The following LRRC9 variants were observed in gnomAD, a reference collection of about 807,000 sequenced individuals.
LRRC9 encodes the protein leucine rich repeat containing 9, also known as leucine-rich repeat-containing protein 9.
Under a neutral mutation model 63.2 loss-of-function variants are expected in LRRC9, and 122 were observed. That is an observed-to-expected ratio of 1.93 (90% CI 1.67 to 2.24). The LOEUF (loss-of-function observed/expected upper bound fraction) is 2.24. Ranked by LOEUF, LRRC9 falls within the 30% of genes most tolerant of loss-of-function variation. The probability of loss-of-function intolerance (pLI) is 0.00; values close to 1 mark genes in which losing one functional copy is unlikely to be tolerated. For missense variants in LRRC9, 1,071 were observed against 627.7 expected, an observed-to-expected ratio of 1.71 and a Z score of -7.55; for synonymous variants, 366 against 213.1, an observed-to-expected ratio of 1.72 and a Z score of -6.25.
chr14:59,923,679 C>T lies in LRRC9; in HGVS notation c.-34+3796C>T, dbSNP rs1401973373. Among the ~76,000 whole-genome samples the T allele has an allele frequency of 6.6e-6, 1 of 152,228 alleles. No individual in the cohort carries two copies. Among genetic ancestry groups the T allele is most frequent in the African/African-American group, 2.4e-5 (1 of 41,442 alleles). On this transcript the variant is annotated intron_variant, in intron 1 of 31. Coordinates refer to ENST00000445360, the Ensembl canonical transcript of LRRC9. The surrounding 1 kb of genome is among the most constrained non-coding windows in gnomAD (Gnocchi z 4.2). ...AGGCGAGGTGGCTCACGCCTGTAGG[C>T]TCACGCCTCCCAGCACTCTGGGAAG... is the stretch of plus-strand genomic sequence containing the variant.
chr14:60,006,752 AT>A (rs1232551320), intron 22 of LRRC9, 135 bp downstream of exon 22: 1 of 535,984 alleles, frequency 1.9e-6, no homozygotes, highest in Non-Finnish European at 3.3e-6. Context: ...GTTTATTAAA[AT>A]GTATTTGCAT....
intron 17 of LRRC9, among the ~76,000 whole-genome samples, chr14:59,985,894 CTT>C (rs1236003190): frequency 6.6e-6 from 1 of 152,120 alleles, no homozygotes; most frequent in Non-Finnish European, 1.5e-5. Context: ...ATTAAAATAA[CTT>C]CTCAAATTTG....
rs1161787699 is a variant in LRRC9, at chr14:59,942,807, C to A, written c.727-1782C>A. Among the ~76,000 whole-genome samples, 2 of 151,958 alleles carry A rather than the reference C, an allele frequency of 1.3e-5. No individual in the cohort carries two copies. The highest frequency in any genetic ancestry group is 2.9e-5 in the Non-Finnish European group (2 of 67,986). ...TTTTTTTCTGTCTTTTTGATAATAG[C>A]CATTCTAACTAGGTGAGATTATATT... is the stretch of plus-strand genomic sequence containing the variant. On this transcript the variant is annotated intron_variant, in intron 7 of 31. Transcript: ENST00000445360. This position sits in a 1 kb window ranked among gnomAD's most constrained non-coding sequence, Gnocchi z 5.3.
At chr14:59,965,461 T>G (rs1265089629) in intron 10 of LRRC9, among the ~76,000 whole-genome samples, 1 of 152,212 alleles carries the variant, frequency 6.6e-6, no homozygotes, top group Non-Finnish European at 1.5e-5. Context: ...GTATTCATTG[T>G]CAGGAAGTTA....
Position 59,932,843 on chromosome 14 carries a change from C to T in LRRC9, c.543+804C>T, listed in dbSNP as rs779964869. Among the ~76,000 whole-genome samples, 19 of 152,224 alleles carry T rather than the reference C, an allele frequency of 1.2e-4. No individual in the cohort carries two copies. Among genetic ancestry groups the T allele is most frequent in the Non-Finnish European group, 1.9e-4 (13 of 68,004 alleles). The stretch of plus-strand genomic sequence containing the variant: ...TTCTCCACACAGAAGCCTGATGGAA[C>T]CTTTAAAAATCTGTCAGATAAAAAT... On this transcript the variant is annotated intron_variant, in intron 6 of 31. Coordinates refer to ENST00000445360, the Ensembl canonical transcript of LRRC9. This position sits in a 1 kb window ranked among gnomAD's most constrained non-coding sequence, Gnocchi z 4.7.
chr14:59,981,821 T>C (rs1257858181), intron 15 of LRRC9, 27 bp from the exon 16 acceptor site: 3 of 669,312 alleles, frequency 4.5e-6, no homozygotes, highest in Non-Finnish European at 8.0e-6. Flanking sequence ...GCAACTGATT[T>C]TGCAATGTTT....
intron 31 of LRRC9, among the ~76,000 whole-genome samples, chr14:60,061,107 T>C (rs1224291120): frequency 2.0e-5 from 3 of 152,226 alleles, no homozygotes; most frequent in Non-Finnish European, 4.4e-5. Context: ...GTGAACACTG[T>C]TGAAATGACA....
chr14:59,930,533 G>A lies in LRRC9; in HGVS notation c.268-385G>A, dbSNP rs1889608545. ...AAACATTTTAGTCTTAATTTAAAGA[G>A]TCCCACAAAATTGTGTGTGCATTAG... On this transcript the variant is annotated intron_variant, in intron 3 of 31. Transcript: ENST00000445360. The surrounding 1 kb of genome is among the most constrained non-coding windows in gnomAD (Gnocchi z 4.9). 6.6e-6 allele frequency among the ~76,000 whole-genome samples: 1 copy of A among 151,676 alleles called. No individual in the cohort carries two copies. The highest frequency in any genetic ancestry group is 2.4e-5 in the African/African-American group (1 of 41,284).
At chr14:59,992,899 A>G (rs902904659) in intron 17 of LRRC9, among the ~76,000 whole-genome samples, 4 of 152,236 alleles carry the variant, frequency 2.6e-5, no homozygotes, top group South Asian at 2.1e-4. Flanking sequence ...TATTATCCAG[A>G]AGAACTTCCC....
intron 29 of LRRC9, among the ~76,000 whole-genome samples, chr14:60,039,729 A>AT (rs1286738389): frequency 6.6e-6 from 1 of 151,594 alleles, no homozygotes; most frequent in African/African-American, 2.4e-5. Flanking sequence ...GGATTCATTG[A>AT]TTTTTTTGAA....
chr14:59,974,127 T>C (rs755238293), intron 12 of LRRC9, among the ~76,000 whole-genome samples: 21 of 152,098 alleles, frequency 1.4e-4, no homozygotes, highest in Non-Finnish European at 2.9e-4. Context: ...AGGATTTCCA[T>C]GGGTTAACAC....
At chr14:60,019,514 CA>C (rs1268628349) in intron 26 of LRRC9, among the ~76,000 whole-genome samples, 1 of 151,832 alleles carries the variant, frequency 6.6e-6, no homozygotes, top group African/African-American at 2.4e-5. Context: ...AACCAAAAAA[CA>C]AACAAACAAA....
At chr14:60,008,737 G>A (rs1315516050) in intron 23 of LRRC9, among the ~76,000 whole-genome samples, 1 of 152,174 alleles carries the variant, frequency 6.6e-6, no homozygotes, top group Non-Finnish European at 1.5e-5. Context: ...TAGGGCTCCT[G>A]TTTTCCACAT....
chr14:59,927,436 G>A lies in LRRC9; in HGVS notation c.-33-475G>A, dbSNP rs536931037. 1.2e-4 allele frequency among the ~76,000 whole-genome samples: 18 copies of A among 152,146 alleles called. No homozygotes were observed. The highest frequency in any genetic ancestry group is 4.3e-4 in the African/African-American group (18 of 41,550). Reference sequence around the variant, plus strand: ...AAACACTTATTACTATGCCAAAAATGTTGCTAAGCCCTAAGGATTCTTCTC... The same window carrying A: ...AAACACTTATTACTATGCCAAAAATATTGCTAAGCCCTAAGGATTCTTCTC... On this transcript the variant is annotated intron_variant, in intron 1 of 31. Coordinates refer to ENST00000445360, the Ensembl canonical transcript of LRRC9. This position sits in a 1 kb window ranked among gnomAD's most constrained non-coding sequence, Gnocchi z 4.4.
In LRRC9 at chr14:59,966,846, C is replaced by T. The variant is rs979486486; in HGVS notation, c.1388+81C>T. On this transcript the variant is annotated intron_variant, in intron 11 of 31. Transcript: ENST00000445360. The surrounding 1 kb of genome is among the most constrained non-coding windows in gnomAD (Gnocchi z 4.0). Reference sequence around the variant, plus strand: ...AAATTTCTATTTTAAAAGTTTACAGCATTAAAAATATACATATACCTTGTT... The same window carrying T: ...AAATTTCTATTTTAAAAGTTTACAGTATTAAAAATATACATATACCTTGTT... 5.3e-6 allele frequency: 3 copies of T among 568,860 alleles called. No individual in the cohort carries two copies. The African/African-American group carries it at 5.6e-5, about 11-fold the overall frequency. The allele number at this position is 568,860 out of a possible 1,614,324, so 35.2% of individuals were successfully genotyped here. A position where few individuals can be genotyped will look rare whatever the true frequency, so the allele number is the denominator to read the frequency against.
At chr14:59,937,423 G>A (rs1047243383) in intron 6 of LRRC9, among the ~76,000 whole-genome samples, 5 of 152,102 alleles carry the variant, frequency 3.3e-5, no homozygotes, top group Non-Finnish European at 5.9e-5. Context: ...TAAGCTCAGT[G>A]GCTAAAAGAG....
chr14:60,024,375 C>T (rs1188266681), intron 27 of LRRC9, among the ~76,000 whole-genome samples: 1 of 142,138 alleles, frequency 7.0e-6, no homozygotes, highest in South Asian at 2.3e-4. Context: ...ATGTAGTCAA[C>T]AATAGATAGG....
chr14:59,974,447 C>T, intron 12 of LRRC9, 129 bp from the exon 13 acceptor site: 1 of 423,608 alleles, frequency 2.4e-6, no homozygotes, highest in Non-Finnish European at 4.2e-6. Flanking sequence ...TTATCTACTT[C>T]TTTTCAGTGA....
At chr14:60,044,103 T>A (rs1190523934) in intron 29 of LRRC9, among the ~76,000 whole-genome samples, 2 of 152,062 alleles carry the variant, frequency 1.3e-5, no homozygotes, top group African/African-American at 4.8e-5. Context: ...GTATAGTTCA[T>A]AATAGTCTCA....
Sources: allele counts gnomAD v4.1 joint callset (sites outside exome capture counted in the v4.1 genomes callset), GRCh38; gene constraint gnomAD v4.1.1; non-coding constraint Gnocchi (gnomAD v3.1); transcripts MANE v1.5; gene names NCBI Gene and HGNC (gene_info 2026-07-23, HGNC 2026-07-21).